Variants in SLC9A9 observed in about 807,000 individuals in gnomAD.
SLC9A9 encodes solute carrier family 9 member A9, also known as sodium/hydrogen exchanger 9.
A neutral mutation model predicts 77.8 loss-of-function variants in SLC9A9; 62 were observed. The ratio of observed to expected loss-of-function variants is 0.80; its 90% confidence interval spans 0.65 to 0.98. The LOEUF is 0.98. Ranked by LOEUF, SLC9A9 falls within the 50% of genes least tolerant of loss-of-function variation. SLC9A9 has a pLI of 0.00. For missense variants in SLC9A9, 775 were observed against 774.9 expected, an observed-to-expected ratio of 1.00 and a Z score of 0.00; for synonymous variants, 320 against 283.5, an observed-to-expected ratio of 1.13 and a Z score of -1.29.
At chr3:143,511,978 C>CA (rs1203518453) in intron 9 of SLC9A9, among the ~76,000 whole-genome samples, 1 of 151,874 alleles carries the variant, frequency 6.6e-6, no homozygotes, top group Non-Finnish European at 1.5e-5. Context: ...CTGAATACTC[C>CA]AAAAAAAGGG....
intron 14 of SLC9A9, among the ~76,000 whole-genome samples, chr3:143,324,348 C>T (rs1292801203): frequency 1.3e-5 from 2 of 152,196 alleles, no homozygotes; most frequent in Admixed American, 1.3e-4. Context: ...TAGTGGGGAA[C>T]CACTGTTGTG....
chr3:143,464,466 C>T (rs557083762), intron 12 of SLC9A9, among the ~76,000 whole-genome samples: 87 of 152,276 alleles, frequency 5.7e-4, no homozygotes, highest in African/African-American at 2.0e-3. Context: ...CTATTATGTC[C>T]TATTTCCTGC....
chr3:143,294,692 C>T (rs2030168225), intron 14 of SLC9A9, among the ~76,000 whole-genome samples: 1 of 152,168 alleles, frequency 6.6e-6, no homozygotes, highest in Non-Finnish European at 1.5e-5. Context: ...ATAATTGCCC[C>T]TTTTAAATCT....
At chr3:143,468,496 TTA>T (rs2035322774) in intron 11 of SLC9A9, among the ~76,000 whole-genome samples, 3 of 152,244 alleles carry the variant, frequency 2.0e-5, no homozygotes, top group Non-Finnish European at 4.4e-5. Context: ...ATAATAAGCC[TTA>T]ACATTGGGTA....
chr3:143,433,978 A>C (rs1047288656), intron 12 of SLC9A9, among the ~76,000 whole-genome samples: 16 of 152,112 alleles, frequency 1.1e-4, no homozygotes, highest in African/African-American at 3.6e-4. Context: ...GTTTGGATGA[A>C]GCTTTCCTGG....
chr3:143,848,421 A>C lies in SLC9A9; in HGVS notation c.-99T>G. The C allele has an allele frequency of 6.7e-7, 1 of 1,492,696 alleles. No individual in the cohort carries two copies. Among genetic ancestry groups the C allele is most frequent in the Non-Finnish European group, 9.3e-7 (1 of 1,073,836 alleles). The allele number at this position is 1,492,696 out of a possible 1,614,324, so 92.5% of individuals were successfully genotyped here. The stretch of plus-strand genomic sequence containing the variant: ...TCTGACTGCCTGAGAATTTCAGAAG[A>C]AACACTGCCACTTTAGTTGCTACTT... On this transcript the variant is annotated 5_prime_UTR_variant, in exon 1 of 16. Transcript: ENST00000316549.
chr3:143,824,771 A>G (rs10212608), intron 2 of SLC9A9, among the ~76,000 whole-genome samples: 2 of 152,238 alleles, frequency 1.3e-5, no homozygotes, highest in Non-Finnish European at 1.5e-5. Context: ...TGGAATATTT[A>G]GAGTCTTTAA....
intron 6 of SLC9A9, among the ~76,000 whole-genome samples, chr3:143,642,746 T>C (rs1462802309): frequency 6.6e-6 from 1 of 152,248 alleles, no homozygotes. Flanking sequence ...TCATATTTTT[T>C]ATCTGTACTA....
intron 2 of SLC9A9, among the ~76,000 whole-genome samples, chr3:143,815,814 C>T (rs1167460250): frequency 3.9e-5 from 6 of 152,062 alleles, no homozygotes; most frequent in African/African-American, 1.4e-4. Context: ...TACAGTGAGC[C>T]GGGATCGTGC....
chr3:143,537,001 T>C (rs2036601151), intron 9 of SLC9A9, among the ~76,000 whole-genome samples: 1 of 152,146 alleles, frequency 6.6e-6, no homozygotes, highest in African/African-American at 2.4e-5. Flanking sequence ...CCAGCAAGAT[T>C]TTTTAAACTC....
rs185197704 is a variant in SLC9A9 at position 143,272,517 on chromosome 3, T to C, written c.1605-3537A>G. ...CTCTTCTACCACACTGAGCTATCCT[T>C]CTTCTGTTACGAAGACACTGAGTAA... is the stretch of plus-strand genomic sequence containing the variant. On this transcript the variant is annotated intron_variant, in intron 14 of 15. Transcript: ENST00000316549. Among the ~76,000 whole-genome samples the C allele has an allele frequency of 2.2e-3, 339 of 152,330 alleles. 1 individual carries two copies. The highest frequency in any genetic ancestry group is 7.8e-3 in the African/African-American group (325 of 41,590).
intron 15 of SLC9A9, among the ~76,000 whole-genome samples, chr3:143,268,132 TGGACACTTCTAAGG>T (rs1937784644): frequency 6.6e-6 from 1 of 152,246 alleles, no homozygotes; most frequent in Non-Finnish European, 1.5e-5. Context: ...GCTAGCCAGC[TGGACACTTCTAAGG>T]GTACTTGCAA....
At chr3:143,779,378 T>C (rs897286220) in intron 4 of SLC9A9, among the ~76,000 whole-genome samples, 1 of 152,174 alleles carries the variant, frequency 6.6e-6, no homozygotes, top group Non-Finnish European at 1.5e-5. Flanking sequence ...GTTTTTTGTT[T>C]GTTTGTTTTT....
At chr3:143,739,180 G>A (rs1233331540) in intron 4 of SLC9A9, among the ~76,000 whole-genome samples, 6 of 152,100 alleles carry the variant, frequency 3.9e-5, no homozygotes, top group Non-Finnish European at 5.9e-5. Context: ...GGGGCCCAGC[G>A]AGTCACCTCA....
intron 14 of SLC9A9, among the ~76,000 whole-genome samples, chr3:143,334,388 A>G (rs898594396): frequency 1.3e-5 from 2 of 152,348 alleles, no homozygotes; most frequent in African/African-American, 4.8e-5. Flanking sequence ...GACATGCTGA[A>G]AAGTGATAGA....
At chr3:143,605,565 G>A (rs920921418) in intron 6 of SLC9A9, among the ~76,000 whole-genome samples, 5 of 152,174 alleles carry the variant, frequency 3.3e-5, no homozygotes, top group Non-Finnish European at 5.9e-5. Flanking sequence ...TGTTGGCATC[G>A]CATATAAAAG....
intron 4 of SLC9A9, among the ~76,000 whole-genome samples, chr3:143,791,292 C>G (rs554266166): frequency 1.3e-5 from 2 of 152,186 alleles, no homozygotes; most frequent in East Asian, 3.8e-4. Context: ...ATATGAAAAA[C>G]GGTTTACATC....
At chr3:143,569,170 C>G (rs964726565) in intron 8 of SLC9A9, among the ~76,000 whole-genome samples, 3 of 151,616 alleles carry the variant, frequency 2.0e-5, no homozygotes, top group African/African-American at 7.3e-5. Context: ...TGTTTGGAAC[C>G]TGTTATTTCC....
rs979928210 is a variant in SLC9A9, at chr3:143,287,727, G to A, written c.1605-18747C>T. On this transcript the variant is annotated intron_variant, in intron 14 of 15. Coordinates refer to ENST00000316549, the MANE Select transcript of SLC9A9 (RefSeq NM_173653.4). ...GTCCTTCAGTGCTAATGGAATAACAGTGAATTCATAGAATTGTTACACCTA... is the reference window on the plus strand; with the variant it reads ...GTCCTTCAGTGCTAATGGAATAACAATGAATTCATAGAATTGTTACACCTA... 8.5e-5 allele frequency among the ~76,000 whole-genome samples: 13 copies of A among 152,194 alleles called. 1 individual carries two copies. Among genetic ancestry groups the A allele is most frequent in the Admixed American group, 7.2e-4 (11 of 15,284 alleles).
Sources: gnomAD v4.1 joint callset for allele counts (sites outside exome capture counted in the v4.1 genomes callset) on GRCh38, gnomAD v4.1.1 for gene constraint, MANE v1.5 for transcripts, NCBI Gene and HGNC (gene_info 2026-07-23, HGNC 2026-07-21) for gene names.